The following YPEL1 variants were observed in gnomAD, a reference collection of about 807,000 sequenced individuals.
The protein encoded by YPEL1 is yippee like 1, also known as protein yippee-like 1.
A neutral mutation model predicts 17.3 loss-of-function variants in YPEL1; 7 were observed. That is an observed-to-expected ratio of 0.40 (90% CI 0.23 to 0.76). The LOEUF is 0.76. Ranked by LOEUF, YPEL1 falls within the 30% of genes least tolerant of loss-of-function variation. YPEL1 has a pLI of 0.35. For synonymous variants in YPEL1, 59 were observed against 59.6 expected (o/e 0.99, Z 0.05); for missense variants, 91 against 155.5 (o/e 0.59, Z 2.21).
rs1555903184 is a variant in YPEL1 at position 21,703,711 on chromosome 22, C to CGG, written c.161+126_161+127dup. On this transcript the variant is annotated intron_variant, in intron 3 of 4. Transcript: ENST00000339468. This position sits in a 1 kb window ranked among gnomAD's most constrained non-coding sequence, Gnocchi z 6.1. The stretch of plus-strand genomic sequence containing the variant: ...CTTAGCGCGTTTCAGAAACTCCCGG[C>CGG]GGGGGGATGGTGGGTTCTTTCAGGA... The CGG allele has an allele frequency of 1.9e-5, 20 of 1,039,578 alleles. No homozygotes were observed. Among genetic ancestry groups the CGG allele is most frequent in the South Asian group, 1.3e-4 (8 of 63,554 alleles). 64.4% of individuals were successfully genotyped at this position (1,039,578 alleles called of 1,614,324 possible).
chr22:21,720,819 T>G (rs939365299), intron 1 of YPEL1, among the ~76,000 whole-genome samples: 7 of 149,920 alleles, frequency 4.7e-5, no homozygotes, highest in African/African-American at 1.7e-4. Context: ...TTTTGTTTTT[T>G]TTTTTTTTTT....
At position 21,725,000 on chromosome 22, in the gene YPEL1, C is replaced by T. The variant is rs1601640886; in HGVS notation, c.-165+10615G>A. On this transcript the variant is annotated intron_variant, in intron 1 of 4. Transcript: ENST00000339468. ...TCGGCTCACTGCAACCTCTGCCTCC[C>T]GGGTTCAAGTGATTCTCCTGCCTCA... is the stretch of plus-strand genomic sequence containing the variant. Among the ~76,000 whole-genome samples, 6 of 151,722 alleles carry T rather than the reference C, an allele frequency of 4.0e-5. No homozygotes were observed. In the South Asian group the frequency reaches 1.0e-3, roughly 26 times the overall value.
At chr22:21,716,632 C>T (rs566116020) in intron 1 of YPEL1, among the ~76,000 whole-genome samples, 9 of 152,390 alleles carry the variant, frequency 5.9e-5, no homozygotes, top group East Asian at 1.9e-4. Context: ...AGGCTGACAG[C>T]GCCCTGAGGT....
chr22:21,732,186 T>C (rs1411836080), intron 1 of YPEL1, among the ~76,000 whole-genome samples: 1 of 152,148 alleles, frequency 6.6e-6, no homozygotes, highest in Non-Finnish European at 1.5e-5. Context: ...GCGGAATCGA[T>C]TTCACCCTCT....
Position 21,699,031 on chromosome 22 carries a change from C to G in YPEL1, c.*2098G>C, listed in dbSNP as rs1047659143. The G allele has an allele frequency of 6.6e-6, 1 of 152,544 alleles. No homozygotes were observed. Among genetic ancestry groups the G allele is most frequent in the East Asian group, 1.9e-4 (1 of 5,326 alleles). The allele number at this position is 152,544 out of a possible 1,614,324, so 9.4% of individuals were successfully genotyped here. A position where few individuals can be genotyped will look rare whatever the true frequency, so the allele number is the denominator to read the frequency against. On this transcript the variant is annotated 3_prime_UTR_variant, in exon 5 of 5. Coordinates refer to ENST00000339468, the MANE Select transcript of YPEL1 (RefSeq NM_013313.5). ...GGATGCATCTCAGTGCCATGCCCACCAGGGCAGCGGCATTTCCCACCTGCC... is the reference window on the plus strand; with the variant it reads ...GGATGCATCTCAGTGCCATGCCCACGAGGGCAGCGGCATTTCCCACCTGCC...
intron 1 of YPEL1, among the ~76,000 whole-genome samples, chr22:21,726,702 G>T (rs539830589): frequency 2.0e-5 from 3 of 152,326 alleles, no homozygotes; most frequent in African/African-American, 7.2e-5. Flanking sequence ...ACCCCTGGTG[G>T]CTGTAGCCCA....
At chr22:21,729,656 T>C (rs2068369367) in intron 1 of YPEL1, among the ~76,000 whole-genome samples, 1 of 152,140 alleles carries the variant, frequency 6.6e-6, no homozygotes, top group African/African-American at 2.4e-5. Flanking sequence ...CTGGTGAAGG[T>C]GCTCTGTGAT....
rs369671999 is a variant in YPEL1, at chr22:21,715,537, G to A, written c.-164-4629C>T. ...AAACAAACAAACAAAAAAACCCCAC[G>A]CTGCTTACTATGTATAGTTCAAATA... On this transcript the variant is annotated intron_variant, in intron 1 of 4. Transcript: ENST00000339468. Among the ~76,000 whole-genome samples, 24 of 151,892 alleles carry A rather than the reference G, an allele frequency of 1.6e-4. No individual in the cohort carries two copies. In the South Asian group the frequency reaches 2.5e-3, roughly 16 times the overall value.
rs763806957 is a variant in YPEL1, at chr22:21,710,700, C to A, written c.45G>T (p.Pro15=). Residue 15 remains proline, a synonymous_variant, in exon 2 of 5, where the codon CCG becomes CCT. Coordinates refer to ENST00000339468, the MANE Select transcript of YPEL1 (RefSeq NM_013313.5). ...TKSKTFQAYL[P]NCHRTYSCIH... ...TACAGCTGTACGTTCGGTGACAGTT[C>A]GGCAGATACGCTTGGAAAGTTTTGG... The A allele has an allele frequency of 6.2e-7, 1 of 1,614,092 alleles. No individual in the cohort carries two copies. Among genetic ancestry groups the A allele is most frequent in the East Asian group, 2.2e-5 (1 of 44,900 alleles).
chr22:21,714,856 G>A (rs993544799), intron 1 of YPEL1, among the ~76,000 whole-genome samples: 4 of 152,168 alleles, frequency 2.6e-5, no homozygotes, highest in African/African-American at 9.7e-5. Flanking sequence ...CATACAGGTG[G>A]GCACCTTTTA....
chr22:21,705,423 T>C (rs1280614744), intron 2 of YPEL1, among the ~76,000 whole-genome samples: 3 of 152,170 alleles, frequency 2.0e-5, no homozygotes, highest in Admixed American at 6.5e-5. Context: ...CTAAATTTCA[T>C]TGGAAAGAAA....
intron 2 of YPEL1, among the ~76,000 whole-genome samples, chr22:21,708,111 T>C (rs1447887347): frequency 6.6e-6 from 1 of 151,914 alleles, no homozygotes; most frequent in Non-Finnish European, 1.5e-5. Flanking sequence ...GCGTGGCAGG[T>C]GTTCTCGATG....
At chr22:21,735,440 T>C (rs558195365) in intron 1 of YPEL1, among the ~76,000 whole-genome samples, 175 bp downstream of exon 1, 1 of 151,976 alleles carries the variant, frequency 6.6e-6, no homozygotes, top group South Asian at 2.1e-4. Context: ...GTGAGCCCAA[T>C]ATCAACAAAT....
rs2148595733 is a variant in YPEL1, at chr22:21,703,805, T to C, written c.161+34A>G. ...GCCATCCAGGCCGTCCCAGGGCCCG[T>C]GCCGCTCCCCCCGGGCTGAACCAGG... is the stretch of plus-strand genomic sequence containing the variant. On this transcript the variant is annotated intron_variant, in intron 3 of 4. Coordinates refer to ENST00000339468, the MANE Select transcript of YPEL1 (RefSeq NM_013313.5). The surrounding 1 kb of genome is among the most constrained non-coding windows in gnomAD (Gnocchi z 6.1). The C allele has an allele frequency of 6.2e-7, 1 of 1,604,416 alleles. No homozygotes were observed. The highest frequency in any genetic ancestry group is 8.5e-7 in the Non-Finnish European group (1 of 1,175,416).
rs2068056035 is a variant in YPEL1, at chr22:21,700,613, T to C, written c.*516A>G. 1 of 153,210 alleles carries C rather than the reference T, an allele frequency of 6.5e-6. No homozygotes were observed. The highest frequency in any genetic ancestry group is 6.5e-5 in the Admixed American group (1 of 15,424). 9.5% of individuals were successfully genotyped at this position (153,210 alleles called of 1,614,324 possible). A position where few individuals can be genotyped will look rare whatever the true frequency, so the allele number is the denominator to read the frequency against. ...CCTTAGCCTCCTGAGTAGCTAAGAT[T>C]ACAGGCACTCGCCACCATGCCCGGC... On this transcript the variant is annotated 3_prime_UTR_variant, in exon 5 of 5. Transcript: ENST00000339468.
At chr22:21,721,968 C>G (rs1221933957) in intron 1 of YPEL1, among the ~76,000 whole-genome samples, 1 of 152,164 alleles carries the variant, frequency 6.6e-6, no homozygotes, top group Non-Finnish European at 1.5e-5. Context: ...CAGAATCATG[C>G]AGTGTTTGTC....
chr22:21,717,308 G>A (rs889998012), intron 1 of YPEL1, among the ~76,000 whole-genome samples: 2 of 151,354 alleles, frequency 1.3e-5, no homozygotes, highest in African/African-American at 2.4e-5. Context: ...CCCGGGAGGC[G>A]GAGGTTGCAG....
intron 1 of YPEL1, among the ~76,000 whole-genome samples, chr22:21,721,539 T>C (rs2068284207): frequency 6.6e-6 from 1 of 152,070 alleles, no homozygotes; most frequent in Middle Eastern, 3.2e-3. Flanking sequence ...TTCTCCTGCC[T>C]CAGCCTCCTG....
intron 4 of YPEL1, among the ~76,000 whole-genome samples, chr22:21,701,719 A>G (rs1254043927): frequency 2.6e-5 from 4 of 152,258 alleles, no homozygotes; most frequent in South Asian, 2.1e-4. Context: ...AATTCCGTGC[A>G]TAACTAGCGT....
Sources: allele counts gnomAD v4.1 joint callset (sites outside exome capture counted in the v4.1 genomes callset), GRCh38; gene constraint gnomAD v4.1.1; non-coding constraint Gnocchi (gnomAD v3.1); transcripts MANE v1.5; gene names NCBI Gene and HGNC (gene_info 2026-07-23, HGNC 2026-07-21).